The following CACNB4 variants were observed in gnomAD, a reference collection of about 807,000 sequenced individuals.
CACNB4 encodes voltage-dependent L-type calcium channel subunit beta-4.
In CACNB4, 32 loss-of-function variants were observed where a neutral mutation model predicts 71.2. The observed-to-expected ratio is 0.45, with a 90% CI of 0.34 to 0.60. CACNB4 has a LOEUF of 0.60. Ranked by LOEUF, CACNB4 falls within the 20% of genes least tolerant of loss-of-function variation. The pLI is 0.01. For synonymous variants in CACNB4, 231 were observed against 236.9 expected, an observed-to-expected ratio of 0.97 and a Z score of 0.23; for missense variants, 464 against 647.9, an observed-to-expected ratio of 0.72 and a Z score of 3.08.
At chr2:151,844,117 C>T (rs944073660) in intron 12 of CACNB4, among the ~76,000 whole-genome samples, 5 of 152,192 alleles carry the variant, frequency 3.3e-5, no homozygotes, top group African/African-American at 1.2e-4. Flanking sequence ...TCATAAAATA[C>T]TCAGTCCCTA....
chr2:152,009,110 G>A (rs1239843889), intron 2 of CACNB4, among the ~76,000 whole-genome samples: 1 of 151,498 alleles, frequency 6.6e-6, no homozygotes, highest in Non-Finnish European at 1.5e-5. Flanking sequence ...AGGATCGCTT[G>A]AGCCCAGGAG....
At chr2:151,888,100 G>A (rs980024963) in intron 2 of CACNB4, among the ~76,000 whole-genome samples, 2 of 152,158 alleles carry the variant, frequency 1.3e-5, no homozygotes, top group Non-Finnish European at 2.9e-5. Context: ...GAAACCTTGT[G>A]CCTATTTGCA....
At chr2:151,947,014 C>G (rs542490067) in intron 2 of CACNB4, among the ~76,000 whole-genome samples, 9 of 152,198 alleles carry the variant, frequency 5.9e-5, no homozygotes, top group Admixed American at 2.6e-4. Context: ...TGATTTCAGT[C>G]CAATTCCCCA....
At chr2:151,870,329 C>T in intron 8 of CACNB4, 2 of 704,006 alleles carry the variant, frequency 2.8e-6, no homozygotes, top group East Asian at 2.7e-5. Flanking sequence ...CAATGTAATA[C>T]ATAAAAGATG....
Position 152,065,276 on chromosome 2 carries a change from C to T in CACNB4, c.147+33054G>A, listed in dbSNP as rs1481837933. 9.2e-5 allele frequency among the ~76,000 whole-genome samples: 14 copies of T among 151,660 alleles called. No individual in the cohort carries two copies. The South Asian group carries it at 2.5e-3, about 27-fold the overall frequency. On this transcript the variant is annotated intron_variant, in intron 2 of 13. Transcript: ENST00000539935. ...ATGCACGCCTATAATCCCAACTACT[C>T]GGGAGGCTGAGGCAGGAGAATCACT...
At chr2:151,910,168 G>A (rs942879395) in intron 2 of CACNB4, among the ~76,000 whole-genome samples, 11 of 151,996 alleles carry the variant, frequency 7.2e-5, no homozygotes, top group African/African-American at 1.5e-4. Context: ...TTTGTTGGCC[G>A]CATAAATGTC....
At chr2:152,045,223 A>C (rs1221646304) in intron 2 of CACNB4, among the ~76,000 whole-genome samples, 2 of 152,332 alleles carry the variant, frequency 1.3e-5, no homozygotes, top group Middle Eastern at 3.4e-3. Flanking sequence ...GGAATATACC[A>C]GTGTTTACAG....
At chr2:151,864,597 G>A (rs1056410010) in intron 9 of CACNB4, among the ~76,000 whole-genome samples, 15 of 152,100 alleles carry the variant, frequency 9.9e-5, no homozygotes, top group Non-Finnish European at 2.1e-4. Flanking sequence ...GAATGCAACA[G>A]TGCACTTTCA....
intron 2 of CACNB4, among the ~76,000 whole-genome samples, chr2:152,045,650 A>C (rs990244304): frequency 2.6e-5 from 4 of 152,136 alleles, no homozygotes; most frequent in African/African-American, 7.2e-5. Flanking sequence ...GAAAAGGTGG[A>C]TCAAAGTACA....
chr2:152,021,520 G>A (rs1683667573), intron 2 of CACNB4, among the ~76,000 whole-genome samples: 1 of 152,104 alleles, frequency 6.6e-6, no homozygotes. Flanking sequence ...AATTTCAGTA[G>A]ACTATTGGTG....
chr2:152,050,224 A>C (rs16830669), intron 2 of CACNB4, among the ~76,000 whole-genome samples: 7,928 of 152,262 alleles, frequency 0.052, 670 homozygotes, highest in African/African-American at 0.18. Flanking sequence ...TCTCCCACAC[A>C]CAATTCAGCC....
At chr2:151,868,674 T>C (rs1258596972) in intron 9 of CACNB4, 3 of 152,112 alleles carry the variant, frequency 2.0e-5, no homozygotes, top group African/African-American at 2.4e-5. Context: ...TAAGTACTAT[T>C]CCCTACAAAA....
intron 2 of CACNB4, among the ~76,000 whole-genome samples, chr2:151,991,027 C>A (rs1305030716): frequency 6.6e-6 from 1 of 152,166 alleles, no homozygotes; most frequent in Non-Finnish European, 1.5e-5. Flanking sequence ...AAATTTCTTT[C>A]AACAAAAATT....
intron 2 of CACNB4, among the ~76,000 whole-genome samples, chr2:151,909,757 T>C (rs1263195720): frequency 2.6e-5 from 4 of 152,030 alleles, no homozygotes; most frequent in Non-Finnish European, 4.4e-5. Context: ...TATGGCTGCA[T>C]AGTATCCCAT....
intron 2 of CACNB4, among the ~76,000 whole-genome samples, chr2:152,021,113 G>A (rs1363673924): frequency 6.6e-6 from 1 of 152,156 alleles, no homozygotes; most frequent in Non-Finnish European, 1.5e-5. Flanking sequence ...CAGGTGTGGT[G>A]GCGAGCGCCT....
At chr2:151,998,202 G>A (rs1682176083) in intron 2 of CACNB4, among the ~76,000 whole-genome samples, 1 of 151,560 alleles carries the variant, frequency 6.6e-6, no homozygotes, top group Non-Finnish European at 1.5e-5. Flanking sequence ...TTGCACACCT[G>A]TAGTCCCAGC....
chr2:152,000,906 G>A (rs999227023), intron 2 of CACNB4, among the ~76,000 whole-genome samples: 4 of 152,128 alleles, frequency 2.6e-5, no homozygotes, highest in African/African-American at 9.7e-5. Flanking sequence ...CTCTTCCACC[G>A]TCACCGCCCC....
chr2:151,982,480 A>C (rs562747371), intron 2 of CACNB4, among the ~76,000 whole-genome samples: 3 of 152,182 alleles, frequency 2.0e-5, no homozygotes, highest in Non-Finnish European at 2.9e-5. Context: ...AAAAATACAA[A>C]AAAATCAGCC....
At chr2:151,916,508 G>A (rs2099857580) in intron 2 of CACNB4, among the ~76,000 whole-genome samples, 1 of 152,056 alleles carries the variant, frequency 6.6e-6, no homozygotes, top group African/African-American at 2.4e-5. Flanking sequence ...ATGTCATAGT[G>A]GAATAAAGTA....
Sources: gnomAD v4.1 joint callset for allele counts (sites outside exome capture counted in the v4.1 genomes callset) on GRCh38, gnomAD v4.1.1 for gene constraint, MANE v1.5 for transcripts, NCBI Gene and HGNC (gene_info 2026-07-23, HGNC 2026-07-21) for gene names.